The following L3MBTL4 variants were observed in gnomAD, a reference collection of about 807,000 sequenced individuals.
The protein encoded by L3MBTL4 is L3MBTL histone methyl-lysine binding protein 4.
A neutral mutation model predicts 84.5 loss-of-function variants in L3MBTL4; 70 were observed. That is an observed-to-expected ratio of 0.83 (90% CI 0.68 to 1.01). L3MBTL4 has a LOEUF of 1.01. Ranked by LOEUF, L3MBTL4 falls within the 50% of genes least tolerant of loss-of-function variation. The pLI is 0.00. For synonymous variants in L3MBTL4, 274 were observed against 259.8 expected (o/e 1.05, Z -0.52); for missense variants, 715 against 754.8 (o/e 0.95, Z 0.62).
intron 17 of L3MBTL4, among the ~76,000 whole-genome samples, chr18:5,963,587 G>C (rs2144704863): frequency 6.6e-6 from 1 of 152,286 alleles, no homozygotes; most frequent in East Asian, 1.9e-4. Flanking sequence ...CGGCCTATCT[G>C]TCTTTTTCCA....
chr18:6,138,183 A>G lies in L3MBTL4; in HGVS notation c.1199+11T>C. The G allele has an allele frequency of 6.3e-7, 1 of 1,581,740 alleles. No individual in the cohort carries two copies. Among genetic ancestry groups the G allele is most frequent in the Non-Finnish European group, 8.7e-7 (1 of 1,153,804 alleles). Reference sequence around the variant, plus strand: ...TCATCCAGGAAATAACTTAAATAAGAAAAATGTTACCTGTGATGTCCCGAA... The same window carrying G: ...TCATCCAGGAAATAACTTAAATAAGGAAAATGTTACCTGTGATGTCCCGAA... On this transcript the variant is annotated intron_variant, in intron 14 of 18. Transcript: ENST00000317931.
intron 16 of L3MBTL4, among the ~76,000 whole-genome samples, chr18:6,063,567 G>T (rs1479230139): frequency 6.6e-6 from 1 of 151,462 alleles, no homozygotes; most frequent in African/African-American, 2.4e-5. Flanking sequence ...ATTCTTGCAG[G>T]AGTAAGGTGG....
chr18:6,179,190 G>T (rs2044357531), intron 12 of L3MBTL4, among the ~76,000 whole-genome samples: 1 of 151,862 alleles, frequency 6.6e-6, no homozygotes, highest in South Asian at 2.1e-4. Flanking sequence ...ACTTTAATAG[G>T]CTTATTGGAT....
At chr18:6,062,268 G>A (rs1168848060) in intron 16 of L3MBTL4, among the ~76,000 whole-genome samples, 2 of 151,868 alleles carry the variant, frequency 1.3e-5, no homozygotes, top group Non-Finnish European at 2.9e-5. Context: ...ATAGGTTGTG[G>A]GAAATTTCAA....
chr18:6,362,193 A>AAGGGAGGGAGGGAAGG (rs2053731061), intron 1 of L3MBTL4, among the ~76,000 whole-genome samples: 1 of 102,880 alleles, frequency 9.7e-6, no homozygotes, highest in Non-Finnish European at 1.8e-5. Flanking sequence ...GGAAGGAAGG[A>AAGGGAGGGAGGGAAGG]AGGGAGGGAG....
At chr18:6,292,133 C>T (rs149332804) in intron 4 of L3MBTL4, among the ~76,000 whole-genome samples, 121 of 152,260 alleles carry the variant, frequency 7.9e-4, no homozygotes, top group East Asian at 2.7e-3. Flanking sequence ...CTACAAACTA[C>T]GTACATGTAG....
chr18:5,973,895 A>G (rs1222487887), intron 16 of L3MBTL4, among the ~76,000 whole-genome samples: 1 of 152,242 alleles, frequency 6.6e-6, no homozygotes, highest in Non-Finnish European at 1.5e-5. Flanking sequence ...AAAGTCAGCC[A>G]AGGAAATTCA....
intron 1 of L3MBTL4, among the ~76,000 whole-genome samples, chr18:6,412,100 G>A (rs1023957910): frequency 1.3e-5 from 2 of 152,042 alleles, no homozygotes; most frequent in Admixed American, 6.5e-5. Context: ...CAGGTATTAA[G>A]CCTAGTATCC....
chr18:5,974,644 G>A (rs116401255), intron 16 of L3MBTL4, among the ~76,000 whole-genome samples: 39 of 152,216 alleles, frequency 2.6e-4, no homozygotes, highest in Admixed American at 1.2e-3. Context: ...GCAGAGCACC[G>A]TCTGCTTCCC....
intron 13 of L3MBTL4, among the ~76,000 whole-genome samples, chr18:6,163,259 T>TGGGG (rs71163263): frequency 8.7e-5 from 5 of 57,372 alleles, no homozygotes; most frequent in Middle Eastern, 0.012. Flanking sequence ...TGTGTGTGTG[T>TGGGG]GGGGGGGGGG....
chr18:6,285,476 G>A (rs1223769256), intron 4 of L3MBTL4, among the ~76,000 whole-genome samples: 1 of 144,780 alleles, frequency 6.9e-6, no homozygotes, highest in Admixed American at 6.8e-5. Flanking sequence ...TTAAAATAGT[G>A]CTATAAAGTG....
chr18:6,008,771 T>C (rs80192939), intron 16 of L3MBTL4, among the ~76,000 whole-genome samples: 11,133 of 152,264 alleles, frequency 0.073, 527 homozygotes, highest in East Asian at 0.12. Context: ...AACTGCATAC[T>C]GTTTATTACA....
At chr18:6,183,498 G>T (rs1018867873) in intron 12 of L3MBTL4, among the ~76,000 whole-genome samples, 5 of 152,142 alleles carry the variant, frequency 3.3e-5, no homozygotes, top group Non-Finnish European at 7.3e-5. Flanking sequence ...CTTTTCAGGC[G>T]ACATTGTTTC....
intron 9 of L3MBTL4, among the ~76,000 whole-genome samples, chr18:6,238,788 G>A (rs1210060637): frequency 6.6e-6 from 1 of 152,066 alleles, no homozygotes; most frequent in African/African-American, 2.4e-5. Flanking sequence ...GAGTTCAAAG[G>A]AGAAGACAGG....
rs577161329 is a variant in L3MBTL4, at chr18:6,090,894, A to G, written c.1373+2461T>C. Among the ~76,000 whole-genome samples, 4 of 152,066 alleles carry G rather than the reference A, an allele frequency of 2.6e-5. No individual in the cohort carries two copies. In the East Asian group the frequency reaches 7.7e-4, roughly 29 times the overall value. ...GTGACAAATGTTGCTTGTATAAAAA[A>G]ATTACAGAAGGCCTGTCCAGAGCTC... On this transcript the variant is annotated intron_variant, in intron 15 of 18. Coordinates refer to ENST00000317931, the MANE Select transcript of L3MBTL4 (RefSeq NM_001330559.2).
intron 16 of L3MBTL4, among the ~76,000 whole-genome samples, chr18:6,044,225 A>G (rs1218448389): frequency 6.6e-6 from 1 of 152,248 alleles, no homozygotes; most frequent in Middle Eastern, 3.2e-3. Context: ...CTGCTTTAAG[A>G]ATAATCTGTA....
At chr18:6,050,074 T>C (rs1163264351) in intron 16 of L3MBTL4, among the ~76,000 whole-genome samples, 2 of 152,162 alleles carry the variant, frequency 1.3e-5, no homozygotes, top group Non-Finnish European at 2.9e-5. Context: ...CTGAGTATTA[T>C]AAGTAAGAAA....
chr18:6,178,154 C>T (rs1045311781), intron 12 of L3MBTL4, among the ~76,000 whole-genome samples: 5 of 151,768 alleles, frequency 3.3e-5, no homozygotes, highest in African/African-American at 9.7e-5. Context: ...TTTTACATAC[C>T]CTATTCAACA....
At chr18:6,180,594 GT>G (rs1266307986) in intron 12 of L3MBTL4, among the ~76,000 whole-genome samples, 1 of 152,060 alleles carries the variant, frequency 6.6e-6, no homozygotes, top group Non-Finnish European at 1.5e-5. Flanking sequence ...TAATCACTAA[GT>G]TGGAAAATTA....
Sources: gnomAD v4.1 joint callset for allele counts (sites outside exome capture counted in the v4.1 genomes callset) on GRCh38, gnomAD v4.1.1 for gene constraint, MANE v1.5 for transcripts, NCBI Gene and HGNC (gene_info 2026-07-23, HGNC 2026-07-21) for gene names.